AUTS2: variants seen among roughly 807,000 people sequenced by gnomAD.
AUTS2 encodes activator of transcription and developmental regulator AUTS2.
In AUTS2, 17 loss-of-function variants were observed where a neutral mutation model predicts 112.4. The observed-to-expected ratio is 0.15, with a 90% CI of 0.10 to 0.23. AUTS2 has a LOEUF of 0.23. AUTS2 is among the 10% of genes least tolerant of loss of function. The probability of loss-of-function intolerance (pLI) is 1.00; values close to 1 mark genes in which losing one functional copy is unlikely to be tolerated. For missense variants in AUTS2, 1,510 were observed against 1,701.6 expected, an observed-to-expected ratio of 0.89 and a Z score of 1.98; for synonymous variants, 751 against 702.7, an observed-to-expected ratio of 1.07 and a Z score of -1.09.
At chr7:70,723,487 G>T (rs1786819340) in intron 6 of AUTS2, among the ~76,000 whole-genome samples, 1 of 151,986 alleles carries the variant, frequency 6.6e-6, no homozygotes, top group Admixed American at 6.5e-5. Flanking sequence ...GGATTTGGCA[G>T]AAAGCCCCTA....
chr7:70,586,022 C>T (rs144752872), intron 5 of AUTS2, among the ~76,000 whole-genome samples: 6,930 of 152,066 alleles, frequency 0.046, 177 homozygotes, highest in South Asian at 0.073. Context: ...GCCACCATGT[C>T]TGGCTGATTT....
intron 5 of AUTS2, among the ~76,000 whole-genome samples, chr7:70,565,299 T>C (rs1370271051): frequency 4.6e-5 from 7 of 152,058 alleles, no homozygotes. Flanking sequence ...GAGTTGATAA[T>C]TGTTGAAGCT....
chr7:70,154,071 A>G (rs1475745591), intron 4 of AUTS2, among the ~76,000 whole-genome samples: 6 of 152,220 alleles, frequency 3.9e-5, no homozygotes, highest in African/African-American at 7.2e-5. Context: ...CTGTTTTTCA[A>G]TTCAAACCTT....
chr7:70,412,149 C>T (rs1469392802), intron 4 of AUTS2, among the ~76,000 whole-genome samples: 1 of 152,054 alleles, frequency 6.6e-6, no homozygotes, highest in Non-Finnish European at 1.5e-5. Context: ...CCTGCCTCGG[C>T]CTCCCAAAGT....
chr7:70,721,118 G>C (rs184371570), intron 6 of AUTS2, among the ~76,000 whole-genome samples: 1 of 151,668 alleles, frequency 6.6e-6, no homozygotes, highest in Non-Finnish European at 1.5e-5. Context: ...CATTTGCTGA[G>C]CCCCAAATAT....
In AUTS2 at chr7:69,870,463, A is replaced by ATATATATATATATATATATATATATATG. The variant is rs1291290430; in HGVS notation, c.310-28820_310-28819insATATATATATATATATATATATATGTAT. On this transcript the variant is annotated intron_variant, in intron 1 of 18. Coordinates refer to ENST00000342771, the MANE Select transcript of AUTS2 (RefSeq NM_015570.4). The stretch of plus-strand genomic sequence containing the variant: ...ATGTGTGTGTAATATATATATATAT[A>ATATATATATATATATATATATATATATG]TATGTATTCACGTTATATACAGACA... Among the ~76,000 whole-genome samples the ATATATATATATATATATATATATATATG allele has an allele frequency of 2.7e-4, 38 of 141,486 alleles. 1 individual carries two copies. The highest frequency in any genetic ancestry group is 1.3e-3 in the East Asian group (6 of 4,766). The allele number at this position is 141,486 out of a possible 152,430, so 92.8% of individuals were successfully genotyped here.
chr7:69,713,223 G>A (rs649200), intron 1 of AUTS2, among the ~76,000 whole-genome samples: 93,358 of 151,964 alleles, frequency 0.61, 28,972 homozygotes, highest in East Asian at 0.7. Context: ...TACATTTATC[G>A]TTTCTTTGTG....
At chr7:70,754,199 A>G (rs757510769) in intron 6 of AUTS2, among the ~76,000 whole-genome samples, 4 of 151,712 alleles carry the variant, frequency 2.6e-5, no homozygotes, top group Non-Finnish European at 4.4e-5. Context: ...ATAAAATAAT[A>G]ATGAACATTG....
intron 1 of AUTS2, among the ~76,000 whole-genome samples, chr7:69,740,620 T>C (rs1350515034): frequency 6.6e-6 from 1 of 151,836 alleles, no homozygotes; most frequent in African/African-American, 2.4e-5. Context: ...ACCTCCCGGG[T>C]TCAAGGAATT....
intron 4 of AUTS2, among the ~76,000 whole-genome samples, chr7:70,243,187 A>C (rs150219887): frequency 6.6e-6 from 1 of 151,790 alleles, no homozygotes; most frequent in Admixed American, 6.6e-5. Flanking sequence ...CCAGGTTTCC[A>C]TAATCAGTTT....
At chr7:69,719,527 A>G (rs1183909062) in intron 1 of AUTS2, among the ~76,000 whole-genome samples, 9 of 152,214 alleles carry the variant, frequency 5.9e-5, no homozygotes, top group Non-Finnish European at 2.9e-5. Context: ...AGATTTAATT[A>G]GCAGGAAACC....
intron 1 of AUTS2, among the ~76,000 whole-genome samples, chr7:69,819,779 G>C (rs1010588218): frequency 6.6e-6 from 1 of 152,188 alleles, no homozygotes; most frequent in Non-Finnish European, 1.5e-5. Flanking sequence ...CACTGAGCCT[G>C]GCTAATTTTA....
At chr7:70,402,873 C>G (rs1348313704) in intron 4 of AUTS2, among the ~76,000 whole-genome samples, 3 of 152,104 alleles carry the variant, frequency 2.0e-5, no homozygotes, top group Non-Finnish European at 4.4e-5. Flanking sequence ...TGGGTTTTTC[C>G]CCAGTCGTCT....
At chr7:70,386,948 T>C (rs908506567) in intron 4 of AUTS2, among the ~76,000 whole-genome samples, 1 of 152,214 alleles carries the variant, frequency 6.6e-6, no homozygotes, top group Non-Finnish European at 1.5e-5. Flanking sequence ...AATAACCAAG[T>C]GTTCACCCTT....
At chr7:70,507,426 G>A (rs1799009447) in intron 5 of AUTS2, among the ~76,000 whole-genome samples, 2 of 152,112 alleles carry the variant, frequency 1.3e-5, no homozygotes, top group Non-Finnish European at 2.9e-5. Context: ...GCAGATGAGT[G>A]TGCAAGTAAT....
intron 1 of AUTS2, among the ~76,000 whole-genome samples, chr7:69,830,979 C>T (rs1562913619): frequency 6.6e-6 from 1 of 152,048 alleles, no homozygotes; most frequent in Non-Finnish European, 1.5e-5. Context: ...AGGTAGAGAG[C>T]CAGGAGACCT....
At chr7:69,643,641 C>G (rs1175106820) in intron 1 of AUTS2, among the ~76,000 whole-genome samples, 1 of 152,064 alleles carries the variant, frequency 6.6e-6, no homozygotes, top group East Asian at 1.9e-4. Context: ...CGCCAACCCC[C>G]CACCCCGCCC....
At chr7:69,943,714 A>G (rs1399898718) in intron 2 of AUTS2, among the ~76,000 whole-genome samples, 1 of 152,236 alleles carries the variant, frequency 6.6e-6, no homozygotes, top group East Asian at 1.9e-4. Flanking sequence ...AGAAAAAAAT[A>G]GGTGTTTGTG....
chr7:70,029,199 A>C (rs1272004157), intron 2 of AUTS2, among the ~76,000 whole-genome samples: 5 of 151,368 alleles, frequency 3.3e-5, no homozygotes, highest in Non-Finnish European at 7.4e-5. Context: ...TTAAGAGTTA[A>C]ATATGGAGCA....
Sources: allele counts gnomAD v4.1 joint callset (sites outside exome capture counted in the v4.1 genomes callset), GRCh38; gene constraint gnomAD v4.1.1; transcripts MANE v1.5; gene names NCBI Gene and HGNC (gene_info 2026-07-23, HGNC 2026-07-21).